The following PLSCR2 variants were observed in gnomAD, a reference collection of about 807,000 sequenced individuals.
The protein encoded by PLSCR2 is phospholipid scramblase 2.
A neutral mutation model predicts 25.3 loss-of-function variants in PLSCR2; 18 were observed. The observed-to-expected ratio is 0.71, with a 90% CI of 0.49 to 1.06. The LOEUF (loss-of-function observed/expected upper bound fraction) is 1.06, where lower values mean the gene tolerates loss of function less well. Ranked by LOEUF, PLSCR2 falls within the 50% of genes least tolerant of loss-of-function variation. PLSCR2 has a pLI of 0.00. For synonymous variants in PLSCR2, 88 were observed against 87.3 expected, an observed-to-expected ratio of 1.01 and a Z score of -0.04; for missense variants, 243 against 269.5, an observed-to-expected ratio of 0.90 and a Z score of 0.69.
At chr3:146,483,062 A>C (rs2043186578) in intron 1 of PLSCR2, among the ~76,000 whole-genome samples, 2 of 152,040 alleles carry the variant, frequency 1.3e-5, no homozygotes, top group Non-Finnish European at 2.9e-5. Flanking sequence ...GTAAGAAAGG[A>C]GGAAGTCAAA....
At chr3:146,437,298 G>C (rs1292822387), downstream of PLSCR2, among the ~76,000 whole-genome samples, 2 of 152,172 alleles carry the variant, frequency 1.3e-5, no homozygotes, top group East Asian at 1.9e-4. Context: ...CATAAAATGG[G>C]TTAGGGAGGA....
At chr3:146,469,246 G>C (rs1649928034) in intron 1 of PLSCR2, 2 of 985,624 alleles carry the variant, frequency 2.0e-6, no homozygotes, top group Non-Finnish European at 2.4e-6. Context: ...GGGAAGCTGA[G>C]CCCCGCAAGG....
intron 1 of PLSCR2, among the ~76,000 whole-genome samples, chr3:146,475,313 G>T (rs961907647): frequency 6.6e-6 from 1 of 152,000 alleles, no homozygotes; most frequent in Admixed American, 6.6e-5. Context: ...GCTGACCCTT[G>T]CATGGGGTTT....
chr3:146,479,902 C>A (rs2043069640), intron 1 of PLSCR2, among the ~76,000 whole-genome samples: 1 of 152,228 alleles, frequency 6.6e-6, no homozygotes. Context: ...GACCACAGTA[C>A]AATCAAATTA....
intron 1 of PLSCR2, among the ~76,000 whole-genome samples, chr3:146,474,517 G>A (rs1005744172): frequency 1.3e-5 from 2 of 152,028 alleles, no homozygotes; most frequent in African/African-American, 4.8e-5. Flanking sequence ...TTATCTGATG[G>A]GCTTCCCGTT....
intron 1 of PLSCR2, among the ~76,000 whole-genome samples, chr3:146,476,058 A>G (rs1199593172): frequency 2.0e-5 from 3 of 152,050 alleles, no homozygotes; most frequent in Non-Finnish European, 4.4e-5. Context: ...ACCACTAATT[A>G]TTTCCCAAAA....
At chr3:146,405,270 T>G (rs2038624582) in intron 2 of PLSCR2, among the ~76,000 whole-genome samples, 2 of 152,174 alleles carry the variant, frequency 1.3e-5, no homozygotes, top group South Asian at 2.1e-4. Flanking sequence ...TTAAGACTAT[T>G]ACAAAGTGAT....
rs369640190 is a variant in PLSCR2 at position 146,478,599 on chromosome 3, A to C, written c.-293+17296T>G. 1.8e-3 allele frequency among the ~76,000 whole-genome samples: 269 copies of C among 152,356 alleles called. 1 individual carries two copies. Among genetic ancestry groups the C allele is most frequent in the Non-Finnish European group, 3.2e-3 (216 of 68,028 alleles). On this transcript the variant is annotated intron_variant, in intron 1 of 8. Transcript: ENST00000336685. Reference sequence around the variant, plus strand: ...CCAAGAAATATGGAGCTATGTGAAAAGACTAAATCTACATCTGATTGGTGT... The same window carrying C: ...CCAAGAAATATGGAGCTATGTGAAACGACTAAATCTACATCTGATTGGTGT...
intron 1 of PLSCR2, among the ~76,000 whole-genome samples, chr3:146,487,711 A>T (rs1245772010): frequency 6.6e-6 from 1 of 152,194 alleles, no homozygotes; most frequent in Non-Finnish European, 1.5e-5. Flanking sequence ...GCTTGTGAAC[A>T]GGAAGAATCA....
At chr3:146,439,586 C>T (rs1200224494), downstream of PLSCR2, among the ~76,000 whole-genome samples, 1 of 152,050 alleles carries the variant, frequency 6.6e-6, no homozygotes, top group Non-Finnish European at 1.5e-5. Flanking sequence ...GTGCATGCAT[C>T]ACGTAGTTCT....
intron 2 of PLSCR2, among the ~76,000 whole-genome samples, chr3:146,417,116 T>C (rs186251478): frequency 1.2e-3 from 177 of 152,282 alleles, no homozygotes; most frequent in Non-Finnish European, 2.1e-3. Flanking sequence ...GAGCCAAATT[T>C]TCTAATTGGC....
intron 3 of PLSCR2, among the ~76,000 whole-genome samples, chr3:146,455,707 C>T (rs1188375830): frequency 6.6e-6 from 1 of 152,126 alleles, no homozygotes; most frequent in East Asian, 1.9e-4. Flanking sequence ...TTCCTAATCC[C>T]ATAGGCTCCT....
upstream of PLSCR2, among the ~76,000 whole-genome samples, chr3:146,460,983 A>T (rs1449561657): frequency 3.9e-5 from 6 of 152,002 alleles, no homozygotes; most frequent in Admixed American, 2.6e-4. Flanking sequence ...AAAATTAAAC[A>T]AAACAAAAGT....
chr3:146,408,537 C>T (rs1288254735), intron 2 of PLSCR2, among the ~76,000 whole-genome samples: 1 of 151,814 alleles, frequency 6.6e-6, no homozygotes, highest in Non-Finnish European at 1.5e-5. Context: ...AGAAAACTTT[C>T]GATTGTCAGA....
At chr3:146,470,220 A>T (rs2042064039) in intron 1 of PLSCR2, among the ~76,000 whole-genome samples, 1 of 152,152 alleles carries the variant, frequency 6.6e-6, no homozygotes, top group South Asian at 2.1e-4. Flanking sequence ...GCACACCCTC[A>T]TGCAATAAAT....
intron 1 of PLSCR2, among the ~76,000 whole-genome samples, chr3:146,480,122 C>A (rs2043077271): frequency 6.6e-6 from 1 of 152,134 alleles, no homozygotes; most frequent in South Asian, 2.1e-4. Context: ...TAAATGCCCA[C>A]AAGAGAAAGC....
chr3:146,484,447 A>G (rs890365656), intron 1 of PLSCR2, among the ~76,000 whole-genome samples: 1 of 152,012 alleles, frequency 6.6e-6, no homozygotes, highest in Non-Finnish European at 1.5e-5. Context: ...GAACACCATT[A>G]AGATGCTTTA....
intron 2 of PLSCR2, among the ~76,000 whole-genome samples, chr3:146,418,503 T>C (rs1269890353): frequency 6.6e-6 from 1 of 152,206 alleles, no homozygotes. Context: ...ATAGTTTCCC[T>C]GTTAGAGGCA....
chr3:146,410,378 GT>G (rs1304943523), intron 2 of PLSCR2, among the ~76,000 whole-genome samples: 2 of 152,200 alleles, frequency 1.3e-5, no homozygotes, highest in African/African-American at 4.8e-5. Context: ...CAGGGTGGCT[GT>G]TTTGAACCTA....
Sources: gnomAD v4.1 joint callset for allele counts (sites outside exome capture counted in the v4.1 genomes callset) on GRCh38, gnomAD v4.1.1 for gene constraint, MANE v1.5 for transcripts, NCBI Gene and HGNC (gene_info 2026-07-23, HGNC 2026-07-21) for gene names.